MAST4: variants seen among roughly 807,000 people sequenced by gnomAD.
MAST4 encodes microtubule-associated serine/threonine-protein kinase 4.
MAST4 carries 89 observed loss-of-function variants against 162.7 expected under a neutral mutation model. The ratio of observed to expected loss-of-function variants is 0.55; its 90% CI spans 0.46 to 0.65. The LOEUF is 0.65. Ranked by LOEUF, MAST4 falls within the 30% of genes least tolerant of loss-of-function variation. The pLI, the probability that MAST4 is intolerant of heterozygous loss-of-function variation, is 0.00. For missense variants in MAST4, 3,153 were observed against 3,374.0 expected (o/e 0.93, Z 1.62); for synonymous variants, 1,479 against 1,361.1 (o/e 1.09, Z -1.91).
chr5:67,070,370 G>A (rs1033160138), intron 5 of MAST4, among the ~76,000 whole-genome samples: 1 of 152,148 alleles, frequency 6.6e-6, no homozygotes, highest in African/African-American at 2.4e-5. Context: ...TGACAAAAAT[G>A]AGGGATGTTC....
At chr5:66,845,871 A>G (rs185246047) in intron 3 of MAST4, among the ~76,000 whole-genome samples, 1 of 152,140 alleles carries the variant, frequency 6.6e-6, no homozygotes, top group African/African-American at 2.4e-5. Context: ...GGCAGTATAT[A>G]TTTGGCCCTC....
chr5:66,985,397 C>T (rs750313392), intron 4 of MAST4, among the ~76,000 whole-genome samples: 53 of 152,124 alleles, frequency 3.5e-4, no homozygotes, highest in Non-Finnish European at 5.4e-4. Context: ...AAGACAAAGG[C>T]CCTTAACATG....
rs1773615912 is a variant in MAST4 at position 67,164,404 on chromosome 5, TCAG to T, written c.5231_5233del (p.Ser1744del). On this transcript the variant is annotated inframe_deletion, in exon 29 of 29. Transcript: ENST00000403625. This position sits in a 1 kb window ranked among gnomAD's most constrained non-coding sequence, Gnocchi z 5.3. ...CCGGCTTCTGAGAGCCGAGCTTTTG[TCAG>T]CAGCACCCATGCAGCTCAGATGAGT... 1 of 1,613,888 alleles carries T rather than the reference TCAG, an allele frequency of 6.2e-7. No homozygotes were observed. Among genetic ancestry groups the T allele is most frequent in the African/African-American group, 1.3e-5 (1 of 74,924 alleles).
At chr5:66,921,948 A>T (rs949830732) in intron 4 of MAST4, among the ~76,000 whole-genome samples, 1 of 152,156 alleles carries the variant, frequency 6.6e-6, no homozygotes, top group African/African-American at 2.4e-5. Context: ...AGATGGTACC[A>T]TCTTAGATTG....
intron 5 of MAST4, among the ~76,000 whole-genome samples, chr5:67,071,239 C>T (rs759328967): frequency 1.9e-4 from 29 of 152,070 alleles, no homozygotes; most frequent in Admixed American, 7.2e-4. Context: ...TACAAACAAC[C>T]GAAACTATCT....
intron 1 of MAST4, among the ~76,000 whole-genome samples, chr5:66,635,807 C>T (rs1745072125): frequency 6.6e-6 from 1 of 151,658 alleles, no homozygotes; most frequent in South Asian, 2.1e-4. Flanking sequence ...GGAGATGTCT[C>T]TGAGTTCCCT....
intron 23 of MAST4, among the ~76,000 whole-genome samples, chr5:67,148,369 A>T (rs1263831815): frequency 6.6e-6 from 1 of 152,182 alleles, no homozygotes; most frequent in Non-Finnish European, 1.5e-5. Flanking sequence ...AACCTGGGAA[A>T]GAAAAAGTAG....
chr5:67,128,594 G>A (rs1296071418), intron 14 of MAST4, among the ~76,000 whole-genome samples: 10 of 152,160 alleles, frequency 6.6e-5, no homozygotes. Flanking sequence ...ACACATTCAT[G>A]AAAGAAAAAG....
intron 4 of MAST4, among the ~76,000 whole-genome samples, chr5:66,997,014 A>G (rs79692604): frequency 0.055 from 8,340 of 152,230 alleles, 726 homozygotes; most frequent in African/African-American, 0.19. Context: ...AATTGCCCTC[A>G]TCTTGTACCT....
intron 4 of MAST4, among the ~76,000 whole-genome samples, chr5:66,906,710 T>C (rs1486947777): frequency 2.0e-5 from 3 of 152,164 alleles, no homozygotes; most frequent in Admixed American, 2.0e-4. Flanking sequence ...ATGCTTCTGG[T>C]GAAGTGGCAA....
intron 1 of MAST4, among the ~76,000 whole-genome samples, chr5:66,603,700 G>A (rs942825194): frequency 1.3e-5 from 2 of 152,136 alleles, no homozygotes; most frequent in South Asian, 4.1e-4. Flanking sequence ...AAACATTTTG[G>A]TTTTTAAGAC....
chr5:67,041,259 T>C (rs955659227), intron 4 of MAST4, among the ~76,000 whole-genome samples: 1 of 152,150 alleles, frequency 6.6e-6, no homozygotes, highest in African/African-American at 2.4e-5. Flanking sequence ...TTAGAAGCCA[T>C]TGGCCAGTGT....
At chr5:66,781,220 T>A (rs1265652445) in intron 2 of MAST4, among the ~76,000 whole-genome samples, 1 of 152,170 alleles carries the variant, frequency 6.6e-6, no homozygotes, top group Non-Finnish European at 1.5e-5. Flanking sequence ...AGAAGTGAGA[T>A]TAAGCAAGGG....
At chr5:66,622,420 C>T (rs200206810) in intron 1 of MAST4, among the ~76,000 whole-genome samples, 5 of 141,782 alleles carry the variant, frequency 3.5e-5, no homozygotes, top group Admixed American at 7.0e-5. Context: ...CCTTGTAAGG[C>T]TTTTTTTTTT....
intron 2 of MAST4, 64 bp from the exon 3 acceptor site, chr5:66,788,606 C>CCCAAGCAAAAAAACAAAAAA: frequency 7.4e-7 from 1 of 1,356,384 alleles, no homozygotes; most frequent in East Asian, 2.7e-5. Context: ...ACCCCCACCC[C>CCCAAGCAAAAAAACAAAAAA]CATTGCAATA....
At chr5:67,118,287 C>T (rs1440821304) in intron 12 of MAST4, among the ~76,000 whole-genome samples, 1 of 152,200 alleles carries the variant, frequency 6.6e-6, no homozygotes, top group Non-Finnish European at 1.5e-5. Flanking sequence ...ACTTAAGAAT[C>T]ATTCCCTAGT....
intron 15 of MAST4, 60 bp downstream of exon 15, chr5:67,130,478 T>A: frequency 2.6e-6 from 4 of 1,546,164 alleles, no homozygotes; most frequent in Non-Finnish European, 2.7e-6. Context: ...TTTGTGTTGT[T>A]GAAGCTGTCT....
chr5:67,083,274 C>G (rs78230146), intron 5 of MAST4, among the ~76,000 whole-genome samples: 1 of 152,250 alleles, frequency 6.6e-6, no homozygotes, highest in South Asian at 2.1e-4. Flanking sequence ...AAGGAAAACA[C>G]CTTTGCACAT....
At chr5:66,720,634 T>G (rs1751143681) in intron 1 of MAST4, among the ~76,000 whole-genome samples, 1 of 152,168 alleles carries the variant, frequency 6.6e-6, no homozygotes, top group African/African-American at 2.4e-5. Context: ...TTTGTGTATT[T>G]TATTGATCTT....
Sources: allele counts gnomAD v4.1 joint callset (sites outside exome capture counted in the v4.1 genomes callset), GRCh38; gene constraint gnomAD v4.1.1; non-coding constraint Gnocchi (gnomAD v3.1); transcripts MANE v1.5; gene names NCBI Gene and HGNC (gene_info 2026-07-23, HGNC 2026-07-21).